The following PCDH11Y variants were observed in gnomAD, a reference collection of about 807,000 sequenced individuals.
PCDH11Y encodes protocadherin 11 Y-linked, also known as protocadherin-11 Y-linked.
For missense variants in PCDH11Y, 12 were observed against 224.8 expected (o/e 0.05, Z 6.05); for synonymous variants, 9 against 83.6 (o/e 0.11, Z 4.87).
chrY:5,581,830 T>C (rs2053451195), intron 4 of PCDH11Y, 32 bp downstream of exon 5: 1 of 357,945 alleles, frequency 2.8e-6, no homozygotes, highest in Non-Finnish European at 3.8e-6. Flanking sequence ...ACCATCACCA[T>C]GTTGCATGTT....
At chrY:5,193,223 T>G in intron 2 of PCDH11Y, among the ~76,000 whole-genome samples, 1 of 32,986 alleles carries the variant, frequency 3.0e-5, no homozygotes, top group South Asian at 6.7e-4. Flanking sequence ...CCTCTTTTAG[T>G]CTTAGCTTAA....
At chrY:5,592,145 G>A in intron 4 of PCDH11Y, among the ~76,000 whole-genome samples, 1 of 31,811 alleles carries the variant, frequency 3.1e-5, no homozygotes, top group Non-Finnish European at 7.6e-5. Context: ...CTATTATTTT[G>A]TGGGAGTCTA....
chrY:5,489,441 T>C, intron 2 of PCDH11Y, among the ~76,000 whole-genome samples: 1 of 29,258 alleles, frequency 3.4e-5, no homozygotes, highest in Non-Finnish European at 8.2e-5. Flanking sequence ...ATGGATGTAG[T>C]GGCTTGAAAA....
chrY:5,064,511 A>T, intron 1 of PCDH11Y, among the ~76,000 whole-genome samples: 1 of 28,181 alleles, frequency 3.5e-5, no homozygotes, highest in East Asian at 9.8e-4. Context: ...CACATATTTA[A>T]TGAGTGCTCA....
chrY:5,508,028 A>G (rs1602935703), intron 3 of PCDH11Y, among the ~76,000 whole-genome samples: 215 of 33,509 alleles, frequency 6.4e-3, no homozygotes, highest in Admixed American at 0.017. Flanking sequence ...ATAATCAGTC[A>G]TTCAAGATGT....
At chrY:5,086,969 A>G in intron 1 of PCDH11Y, among the ~76,000 whole-genome samples, 3 of 33,323 alleles carry the variant, frequency 9.0e-5, no homozygotes, top group Admixed American at 5.4e-4. Context: ...AGCTAGGTCT[A>G]TGTCTTTCAT....
intron 3 of PCDH11Y, among the ~76,000 whole-genome samples, chrY:5,534,139 T>C (rs2053397832): frequency 3.0e-5 from 1 of 33,563 alleles, no homozygotes; most frequent in African/African-American, 1.2e-4. Context: ...TTTTCAATCT[T>C]TCTTCTCTCT....
Position 5,331,597 on chromosome Y carries a change from T to C in PCDH11Y, c.3130-169460T>C. Among the ~76,000 whole-genome samples the C allele has an allele frequency of 1.5e-4, 5 of 33,884 alleles. No individual in the cohort carries two copies. In the South Asian group the frequency reaches 3.3e-3, roughly 22 times the overall value. 90.9% of individuals were successfully genotyped at this position (33,884 alleles called of 37,273 possible). ...CTATTGATAACTCTCTTTCAGCCAA[T>C]TGCCAATCAGAACATTTTTAAATCC... On this transcript the variant is annotated intron_variant, in intron 2 of 4. Coordinates refer to the PCDH11Y transcript ENST00000400457.
chrY:5,428,743 C>T, intron 2 of PCDH11Y, among the ~76,000 whole-genome samples: 1 of 33,238 alleles, frequency 3.0e-5, no homozygotes, highest in Non-Finnish European at 7.4e-5. Flanking sequence ...TAGACACCAG[C>T]ATCACCACAA....
chrY:5,020,520 C>T, intron 1 of PCDH11Y, among the ~76,000 whole-genome samples: 2 of 32,951 alleles, frequency 6.1e-5, no homozygotes, highest in African/African-American at 2.4e-4. Context: ...TGGCCTTTCA[C>T]TTGATTTACT....
chrY:5,243,241 A>G, intron 2 of PCDH11Y, among the ~76,000 whole-genome samples: 2 of 34,274 alleles, frequency 5.8e-5, no homozygotes, highest in African/African-American at 2.3e-4. Context: ...ACTAATTATT[A>G]TCTTTCTCAT....
At chrY:5,405,847 C>T (rs2124677516) in intron 2 of PCDH11Y, among the ~76,000 whole-genome samples, 1 of 33,684 alleles carries the variant, frequency 3.0e-5, no homozygotes, top group Non-Finnish European at 7.4e-5. Context: ...AGGTCTTAAG[C>T]GAGCAAAATG....
chrY:5,583,619 G>A (rs2053452784), intron 4 of PCDH11Y, among the ~76,000 whole-genome samples: 1 of 30,414 alleles, frequency 3.3e-5, no homozygotes, highest in Non-Finnish European at 8.0e-5. Context: ...TATTTTATTT[G>A]TAGCTATTGT....
intron 2 of PCDH11Y, among the ~76,000 whole-genome samples, chrY:5,485,832 C>T (rs2053330904): frequency 4.3e-5 from 1 of 23,243 alleles, no homozygotes; most frequent in East Asian, 1.0e-3. Context: ...AAAACATTTA[C>T]CAAATTTTAA....
intron 3 of PCDH11Y, among the ~76,000 whole-genome samples, chrY:5,564,473 A>C: frequency 6.1e-5 from 2 of 32,577 alleles, no homozygotes; most frequent in African/African-American, 2.4e-4. Flanking sequence ...GAGTTGGTTA[A>C]GTAGAGGCCT....
intron 1 of PCDH11Y, among the ~76,000 whole-genome samples, chrY:5,063,670 G>C: frequency 3.1e-5 from 1 of 32,774 alleles, no homozygotes; most frequent in Non-Finnish European, 7.5e-5. Context: ...TGTTATTCAA[G>C]TGTCTTTCAA....
chrY:5,637,381 T>TG (rs2053518939), intron 4 of PCDH11Y, among the ~76,000 whole-genome samples: 1 of 33,914 alleles, frequency 2.9e-5, no homozygotes, highest in Non-Finnish European at 7.3e-5. Context: ...ACTTTTATCT[T>TG]GAAAAATATC....
At chrY:5,623,107 T>G in intron 4 of PCDH11Y, 1 of 114,641 alleles carries the variant, frequency 8.7e-6, no homozygotes, top group African/African-American at 1.1e-4. Flanking sequence ...GAGGGAGAGT[T>G]CTGGGCACCC....
At chrY:5,372,585 G>T in intron 2 of PCDH11Y, among the ~76,000 whole-genome samples, 1 of 30,978 alleles carries the variant, frequency 3.2e-5, no homozygotes, top group Non-Finnish European at 7.9e-5. Context: ...ATTGCCAAAG[G>T]CAGGTAGACA....
Sources: allele counts gnomAD v4.1 joint callset (sites outside exome capture counted in the v4.1 genomes callset), GRCh38; gene constraint gnomAD v4.1.1; transcripts MANE v1.5; gene names NCBI Gene and HGNC (gene_info 2026-07-23, HGNC 2026-07-21).